The following STK11 variants were observed in gnomAD, a reference collection of about 807,000 sequenced individuals.
The protein encoded by STK11 is serine/threonine-protein kinase STK11.
A neutral mutation model predicts 47.3 loss-of-function variants in STK11; 8 were observed. The ratio of observed to expected loss-of-function variants is 0.17; its 90% confidence interval spans 0.10 to 0.31. The LOEUF is 0.31. Ranked by LOEUF, STK11 falls within the 10% of genes least tolerant of loss-of-function variation. The pLI is 1.00. For missense variants in STK11, 475 were observed against 605.0 expected (o/e 0.79, Z 2.25); for synonymous variants, 330 against 255.8 (o/e 1.29, Z -2.77).
Position 1,219,291 on chromosome 19 carries a change from C to T in STK11, c.375-33C>T, listed in dbSNP as rs1246317136. 1.0e-5 allele frequency: 16 copies of T among 1,556,182 alleles called. No individual in the cohort carries two copies. Among genetic ancestry groups the T allele is most frequent in the Admixed American group, 3.9e-5 (2 of 51,626 alleles). On this transcript the variant is annotated intron_variant, in intron 2 of 9. Transcript: ENST00000326873. Reference sequence around the variant, plus strand: ...TGCTCCCTGGGCCTGTGAGTGGGGCCGCCCCCTGAGCTGTGTGTCCTTAGC... The same window carrying T: ...TGCTCCCTGGGCCTGTGAGTGGGGCTGCCCCCTGAGCTGTGTGTCCTTAGC...
At chr19:1,214,324 A>G (rs1463828038) in intron 1 of STK11, among the ~76,000 whole-genome samples, 1 of 152,150 alleles carries the variant, frequency 6.6e-6, no homozygotes, top group Non-Finnish European at 1.5e-5. Context: ...GCCTGCGCAG[A>G]ATGCCTTGGT....
intron 8 of STK11, 106 bp from the exon 9 acceptor site, chr19:1,226,348 C>T: frequency 1.3e-6 from 2 of 1,520,228 alleles, no homozygotes; most frequent in Non-Finnish European, 1.8e-6. Flanking sequence ...CGGGCATGGC[C>T]TGGGCAGCAG....
At chr19:1,211,317 C>T (rs961095885) in intron 1 of STK11, among the ~76,000 whole-genome samples, 10 of 152,114 alleles carry the variant, frequency 6.6e-5, no homozygotes, top group African/African-American at 2.4e-4. Context: ...AAAATCAGTG[C>T]CATAGGCTGT....
In STK11 at chr19:1,226,659, T is replaced by G. The variant is rs747467758; in HGVS notation, c.*12T>G. On this transcript the variant is annotated 3_prime_UTR_variant, in exon 9 of 10. Coordinates refer to ENST00000326873, the MANE Select transcript of STK11 (RefSeq NM_000455.5). ...GCAAGCAGCAGTGAGGCTGGCCGCC[T>G]GCAGGTGGGGCGCGGCGGGGCCCGG... The G allele has an allele frequency of 1.1e-5, 17 of 1,509,052 alleles. No homozygotes were observed. The South Asian group carries it at 1.8e-4, about 16-fold the overall frequency. 93.5% of individuals were successfully genotyped at this position (1,509,052 alleles called of 1,614,324 possible).
intron 8 of STK11, chr19:1,225,867 T>C: frequency 1.0e-6 from 1 of 987,250 alleles, no homozygotes; most frequent in Non-Finnish European, 1.2e-6. Context: ...AGTGTCCACC[T>C]GGGCAGGGTG....
rs912726602 is a variant in STK11 at position 1,224,977 on chromosome 19, C to T, written c.1109-1477C>T. The T allele has an allele frequency of 5.1e-6, 5 of 985,510 alleles. No individual in the cohort carries two copies. The African/African-American group carries it at 8.7e-5, about 17-fold the overall frequency. The allele number at this position is 985,510 out of a possible 1,614,324, so 61.0% of individuals were successfully genotyped here. A position where few individuals can be genotyped will look rare whatever the true frequency, so the allele number is the denominator to read the frequency against. ...CGGCGCCCTCGGGTCAGGCCATCCTCTGCGCTCTGCCGGGGCTGCTGCATC... is the reference window on the plus strand; with the variant it reads ...CGGCGCCCTCGGGTCAGGCCATCCTTTGCGCTCTGCCGGGGCTGCTGCATC... On this transcript the variant is annotated intron_variant, in intron 8 of 9. Coordinates refer to ENST00000326873, the MANE Select transcript of STK11 (RefSeq NM_000455.5).
chr19:1,223,272 C>T, intron 8 of STK11, 100 bp downstream of exon 8: 1 of 1,381,242 alleles, frequency 7.2e-7, no homozygotes, highest in Non-Finnish European at 9.9e-7. Context: ...AGCTTCTGCC[C>T]TCTGGTGGCC....
intron 1 of STK11, among the ~76,000 whole-genome samples, chr19:1,214,561 G>GGCC (rs1482764801): frequency 6.6e-6 from 1 of 152,200 alleles, no homozygotes; most frequent in East Asian, 1.9e-4. Context: ...GGCAGGTGGT[G>GGCC]GCCGGCGCAG....
At chr19:1,226,390 C>G (rs2080820925) in intron 8 of STK11, 64 bp from the exon 9 acceptor site, 12 of 1,571,220 alleles carry the variant, frequency 7.6e-6, no homozygotes, top group South Asian at 1.2e-5. Context: ...GGGGGCCAGC[C>G]AGGTCCCTGT....
In STK11 at chr19:1,206,692, C is replaced by T. The variant is rs1372223605; in HGVS notation, c.-222C>T. 2 of 622,462 alleles carry T rather than the reference C, an allele frequency of 3.2e-6. No homozygotes were observed. Among genetic ancestry groups the T allele is most frequent in the South Asian group, 2.4e-5 (1 of 41,636 alleles). 38.6% of individuals were successfully genotyped at this position (622,462 alleles called of 1,614,324 possible). On this transcript the variant is annotated 5_prime_UTR_variant, in exon 1 of 10. Transcript: ENST00000326873. ...TCCCGGACCCCCGGTGCCCGCCGGT[C>T]CGCAGACCCTGCACCGGGCTTGGAC...
chr19:1,223,684 G>A, intron 8 of STK11: 1 of 1,045,400 alleles, frequency 9.6e-7, no homozygotes, highest in Non-Finnish European at 1.2e-6. Flanking sequence ...AGCGCGGCTT[G>A]CAGAAGAGCG....
chr19:1,209,077 C>A (rs553326924), intron 1 of STK11, among the ~76,000 whole-genome samples: 24 of 152,232 alleles, frequency 1.6e-4, no homozygotes, highest in African/African-American at 5.8e-4. Context: ...AGTGCCCAGT[C>A]TGGACCCGGG....
chr19:1,216,309 T>G (rs941066132), intron 1 of STK11: 1 of 174,340 alleles, frequency 5.7e-6, no homozygotes, highest in African/African-American at 2.4e-5. Flanking sequence ...CTGGATTGGC[T>G]TGTCCTGGAT....
At position 1,227,795 on chromosome 19, in the gene STK11, CTTG is replaced by C. The variant is rs1568720158; in HGVS notation, c.*223_*225del. 1.9e-6 allele frequency: 2 copies of C among 1,074,440 alleles called. No homozygotes were observed. Among genetic ancestry groups the C allele is most frequent in the East Asian group, 4.7e-5 (1 of 21,230 alleles). The allele number at this position is 1,074,440 out of a possible 1,614,324, so 66.6% of individuals were successfully genotyped here. A position where few individuals can be genotyped will look rare whatever the true frequency, so the allele number is the denominator to read the frequency against. Reference sequence around the variant, plus strand: ...CTCGGCCGCCCGGCAGTGCACGCGGCTTGTTGACTTCGCAGCCCCGGGCGGAGC... The same window carrying C: ...CTCGGCCGCCCGGCAGTGCACGCGGCTTGACTTCGCAGCCCCGGGCGGAGC... On this transcript the variant is annotated 3_prime_UTR_variant, in exon 10 of 10. Transcript: ENST00000326873.
intron 1 of STK11, among the ~76,000 whole-genome samples, chr19:1,213,534 T>G (rs578253371): frequency 3.3e-5 from 5 of 152,362 alleles, no homozygotes; most frequent in Admixed American, 3.3e-4. Context: ...GCGTGGCCTT[T>G]TGCGTCCGGC....
chr19:1,227,496 A>C lies in STK11; in HGVS notation c.*17-97A>C, dbSNP rs62128833. 46,181 of 1,054,182 alleles carry C rather than the reference A, an allele frequency of 0.044. 1,181 individuals are homozygous for C. Among genetic ancestry groups the C allele is most frequent in the South Asian group, 0.13 (2,828 of 21,836 alleles). The allele number at this position is 1,054,182 out of a possible 1,614,324, so 65.3% of individuals were successfully genotyped here. ...TGCCCCCCAGGAGTCCGGTAGCCCC[A>C]TGACTGTACCTCAGCTTCTCCATCC... On this transcript the variant is annotated intron_variant, in intron 9 of 9. Transcript: ENST00000326873.
At chr19:1,209,121 G>A (rs1290683950) in intron 1 of STK11, among the ~76,000 whole-genome samples, 2 of 151,918 alleles carry the variant, frequency 1.3e-5, no homozygotes, top group Non-Finnish European at 2.9e-5. Context: ...AGTCAGTGGA[G>A]CAGTTGCCTG....
intron 1 of STK11, among the ~76,000 whole-genome samples, chr19:1,218,214 G>A (rs1233413064): frequency 6.6e-6 from 1 of 152,130 alleles, no homozygotes; most frequent in Non-Finnish European, 1.5e-5. Flanking sequence ...AGAGGGCGCT[G>A]TGCTCCCACC....
chr19:1,226,923 C>T (rs956864129), intron 9 of STK11: 9 of 488,008 alleles, frequency 1.8e-5, no homozygotes, highest in Non-Finnish European at 2.9e-5. Context: ...CTCACAGCCA[C>T]CTCTCAGAGT....
Sources: allele counts gnomAD v4.1 joint callset (sites outside exome capture counted in the v4.1 genomes callset), GRCh38; gene constraint gnomAD v4.1.1; transcripts MANE v1.5; gene names NCBI Gene and HGNC (gene_info 2026-07-23, HGNC 2026-07-21).